CCDC126: variants seen among roughly 807,000 people sequenced by gnomAD.
The protein encoded by CCDC126 is coiled-coil domain-containing protein 126.
A neutral mutation model predicts 11.7 loss-of-function variants in CCDC126; 5 were observed. The observed-to-expected ratio is 0.43, with a 90% CI of 0.22 to 0.90. CCDC126 has a LOEUF of 0.90. CCDC126 is among the 40% of genes least tolerant of loss of function. CCDC126 has a pLI of 0.27. For missense variants in CCDC126, 150 were observed against 163.1 expected (o/e 0.92, Z 0.44); for synonymous variants, 60 against 61.9 (o/e 0.97, Z 0.14).
chr7:23,630,787 C>G (rs533686305), intron 3 of CCDC126, among the ~76,000 whole-genome samples: 3 of 144,710 alleles, frequency 2.1e-5, no homozygotes, highest in Non-Finnish European at 4.5e-5. Flanking sequence ...TGTTCTGGGC[C>G]ATAAAACAAG....
chr7:23,611,210 T>C lies in CCDC126; in HGVS notation c.-106T>C. 1 of 710,218 alleles carries C rather than the reference T, an allele frequency of 1.4e-6. No individual in the cohort carries two copies. The highest frequency in any genetic ancestry group is 2.3e-5 in the Admixed American group (1 of 43,798). 44.0% of individuals were successfully genotyped at this position (710,218 alleles called of 1,614,324 possible). A position where few individuals can be genotyped will look rare whatever the true frequency, so the allele number is the denominator to read the frequency against. On this transcript the variant is annotated 5_prime_UTR_variant, in exon 3 of 4. Transcript: ENST00000307471. ...ATACAACCTTGCTGAAGATGAAGAA[T>C]ATACAATATTGAGGATATTTTTTTC...
intron 2 of CCDC126, 74 bp from the exon 3 acceptor site, chr7:23,611,097 A>C (rs1016393428): frequency 5.7e-6 from 2 of 350,374 alleles, no homozygotes; most frequent in Non-Finnish European, 1.0e-5. Flanking sequence ...ATTATAGAAT[A>C]TTTTCTTTAT....
rs1423855946 is a variant in CCDC126, at chr7:23,643,313, C to T, written c.*198C>T. The T allele has an allele frequency of 2.1e-5, 11 of 512,494 alleles. No individual in the cohort carries two copies. The highest frequency in any genetic ancestry group is 3.6e-5 in the Admixed American group (1 of 27,818). 31.7% of individuals were successfully genotyped at this position (512,494 alleles called of 1,614,324 possible). Reference sequence around the variant, plus strand: ...GTTATTTGTTTGCTTTCAGGCAAGTCTGTTCAATGCTGTACTATGTCCTTA... The same window carrying T: ...GTTATTTGTTTGCTTTCAGGCAAGTTTGTTCAATGCTGTACTATGTCCTTA... On this transcript the variant is annotated 3_prime_UTR_variant, in exon 4 of 4. Coordinates refer to ENST00000307471, the MANE Select transcript of CCDC126 (RefSeq NM_138771.4).
In CCDC126 at chr7:23,625,649, ATTTTT is replaced by A. The variant is rs34492140; in HGVS notation, c.238+14116_238+14120del. ...AATTTGTTTATTTCTTATTTGACTG[ATTTTT>A]TTTTTTTTTTTTTTTTTTTGAGGCA... is the stretch of plus-strand genomic sequence containing the variant. On this transcript the variant is annotated intron_variant, in intron 3 of 3. Coordinates refer to ENST00000307471, the MANE Select transcript of CCDC126 (RefSeq NM_138771.4). Among the ~76,000 whole-genome samples, 508 of 77,106 alleles carry A rather than the reference ATTTTT, an allele frequency of 6.6e-3. 3 individuals are homozygous for A. The highest frequency in any genetic ancestry group is 0.027 in the African/African-American group (493 of 17,936). The allele number at this position is 77,106 out of a possible 152,430, so 50.6% of individuals were successfully genotyped here.
chr7:23,617,936 G>C (rs1297530408), intron 3 of CCDC126, among the ~76,000 whole-genome samples: 1 of 152,128 alleles, frequency 6.6e-6, no homozygotes, highest in African/African-American at 2.4e-5. Context: ...ATCCGTGGTG[G>C]GTCCTAGAAC....
Position 23,643,782 on chromosome 7 carries a change from A to T in CCDC126, c.*667A>T, listed in dbSNP as rs1783409146. 6.6e-6 allele frequency: 1 copy of T among 152,322 alleles called. No homozygotes were observed. The highest frequency in any genetic ancestry group is 2.4e-5 in the African/African-American group (1 of 41,438). 9.4% of individuals were successfully genotyped at this position (152,322 alleles called of 1,614,324 possible). A position where few individuals can be genotyped will look rare whatever the true frequency, so the allele number is the denominator to read the frequency against. ...CAGCCACTGTCCATTACCTATCGTA[A>T]ACATTGGGGCAATTTAATAACAGCA... On this transcript the variant is annotated 3_prime_UTR_variant, in exon 4 of 4. Transcript: ENST00000307471.
chr7:23,612,198 T>G (rs1399907944), intron 3 of CCDC126, among the ~76,000 whole-genome samples: 1 of 150,758 alleles, frequency 6.6e-6, no homozygotes, highest in Non-Finnish European at 1.5e-5. Flanking sequence ...GGCTCACATC[T>G]GTAATCTTAG....
chr7:23,626,481 T>C (rs556419295), intron 3 of CCDC126, among the ~76,000 whole-genome samples: 83 of 152,336 alleles, frequency 5.4e-4, no homozygotes, highest in African/African-American at 1.9e-3. Context: ...AAACATAAGC[T>C]AATATATTTT....
In CCDC126 at chr7:23,624,225, C is replaced by T. The variant is rs550191569; in HGVS notation, c.238+12672C>T. 1.7e-4 allele frequency among the ~76,000 whole-genome samples: 26 copies of T among 152,288 alleles called. 2 individuals carry two copies. The highest frequency in any genetic ancestry group is 4.3e-4 in the African/African-American group (18 of 41,552). ...TAAAGAGAAAAACAGTTTACTGTTT[C>T]TGTGGGTACCTAGACTAAGCTTATT... On this transcript the variant is annotated intron_variant, in intron 3 of 3. Coordinates refer to ENST00000307471, the MANE Select transcript of CCDC126 (RefSeq NM_138771.4).
At chr7:23,619,192 T>C (rs1782846098) in intron 3 of CCDC126, 1 of 164,902 alleles carries the variant, frequency 6.1e-6, no homozygotes, top group South Asian at 1.6e-4. Context: ...AAGGATGAAT[T>C]GCTTCATAGA....
At position 23,638,908 on chromosome 7, in the gene CCDC126, G is replaced by A. The variant is rs577793401; in HGVS notation, c.239-4023G>A. On this transcript the variant is annotated intron_variant, in intron 3 of 3. Transcript: ENST00000307471. ...AAAGACTGTCCCCTGCCCATTTTAG[G>A]TTGCTACTTCTTTTAATATTATAAA... 8.9e-4 allele frequency among the ~76,000 whole-genome samples: 129 copies of A among 145,354 alleles called. 1 individual carries two copies. Among genetic ancestry groups the A allele is most frequent in the Non-Finnish European group, 1.7e-3 (113 of 66,848 alleles).
intron 3 of CCDC126, among the ~76,000 whole-genome samples, chr7:23,638,137 GA>G (rs1783275963): frequency 6.7e-6 from 1 of 149,714 alleles, no homozygotes; most frequent in South Asian, 2.1e-4. Context: ...TCCGGGAGGA[GA>G]GGGGCGCTTC....
chr7:23,602,827 CTG>C (rs1782566241), intron 2 of CCDC126, among the ~76,000 whole-genome samples: 1 of 151,648 alleles, frequency 6.6e-6, no homozygotes, highest in Non-Finnish European at 1.5e-5. Flanking sequence ...TTATCACAAA[CTG>C]AGATAACTTG....
intron 3 of CCDC126, among the ~76,000 whole-genome samples, chr7:23,638,146 T>C (rs1467014591): frequency 1.4e-4 from 17 of 124,732 alleles, no homozygotes; most frequent in South Asian, 2.8e-4. Context: ...AGAGGGGCGC[T>C]TCTGCCCGGC....
In CCDC126 at chr7:23,643,334, C is replaced by A; in HGVS notation, c.*219C>A. The A allele has an allele frequency of 5.1e-6, 2 of 390,630 alleles. No homozygotes were observed. The highest frequency in any genetic ancestry group is 9.0e-6 in the Non-Finnish European group (2 of 222,506). 24.2% of individuals were successfully genotyped at this position (390,630 alleles called of 1,614,324 possible). ...AAGTCTGTTCAATGCTGTACTATGT[C>A]CTTAAAGAGAATTTGGTAATTTGGT... is the stretch of plus-strand genomic sequence containing the variant. On this transcript the variant is annotated 3_prime_UTR_variant, in exon 4 of 4. Coordinates refer to ENST00000307471, the MANE Select transcript of CCDC126 (RefSeq NM_138771.4).
At chr7:23,604,819 A>AC (rs1450733332) in intron 2 of CCDC126, among the ~76,000 whole-genome samples, 1 of 151,772 alleles carries the variant, frequency 6.6e-6, no homozygotes, top group Non-Finnish European at 1.5e-5. Context: ...ACATGGTGAA[A>AC]CCCCGTCTCT....
At chr7:23,631,028 A>G (rs1772261429) in intron 3 of CCDC126, among the ~76,000 whole-genome samples, 1 of 152,130 alleles carries the variant, frequency 6.6e-6, no homozygotes, top group Non-Finnish European at 1.5e-5. Context: ...ATTTAGATTT[A>G]TGCACTAAGT....
At position 23,643,017 on chromosome 7, in the gene CCDC126, G is replaced by A; in HGVS notation, c.325G>A (p.Val109Met). The A allele has an allele frequency of 1.2e-6, 2 of 1,614,144 alleles. No individual in the cohort carries two copies. Among genetic ancestry groups the A allele is most frequent in the South Asian group, 1.1e-5 (1 of 91,076 alleles). Residue 109 changes from valine (V) to methionine (M), a missense_variant, in exon 4 of 4, where the codon GTG (valine) becomes ATG (methionine). Coordinates refer to ENST00000307471, the MANE Select transcript of CCDC126 (RefSeq NM_138771.4). ...GGAGAACAAAGTTGACTATATTGTT[G>A]TGAATGGCTCAGCAGCCAACACCAC... The part of the protein sequence containing the change: ...KLENKVDYIV[V>M]NGSAANTTNG...
intron 3 of CCDC126, among the ~76,000 whole-genome samples, chr7:23,623,089 T>G (rs922720257): frequency 6.7e-6 from 1 of 150,164 alleles, no homozygotes; most frequent in African/African-American, 2.5e-5. Flanking sequence ...TTCTCCTGCC[T>G]TAGCCTCCCA....
Sources: allele counts gnomAD v4.1 joint callset (sites outside exome capture counted in the v4.1 genomes callset), GRCh38; gene constraint gnomAD v4.1.1; transcripts MANE v1.5; gene names NCBI Gene and HGNC (gene_info 2026-07-23, HGNC 2026-07-21).